ZNF449: variants seen among roughly 807,000 people sequenced by gnomAD.
ZNF449 encodes zinc finger protein 449, also known as zinc finger and SCAN domain-containing protein 19.
Under a neutral mutation model 32.6 loss-of-function variants are expected in ZNF449, and 4 were observed. That is an observed-to-expected ratio of 0.12 (90% CI 0.06 to 0.28). The LOEUF is 0.28. Among genes scored for constraint, ZNF449 ranks in the 10% least tolerant of loss-of-function variants. The pLI is 1.00. For missense variants in ZNF449, 275 were observed against 383.2 expected (o/e 0.72, Z 2.36); for synonymous variants, 123 against 132.2 (o/e 0.93, Z 0.48).
intron 3 of ZNF449, 37 bp downstream of exon 3, chrX:135,349,351 T>G (rs782328093): frequency 7.6e-6 from 9 of 1,178,092 alleles, no homozygotes; most frequent in Non-Finnish European, 9.2e-6. Flanking sequence ...TTTGTTTCTG[T>G]TTTGAGAGTT....
Position 135,362,794 on chromosome X carries a change from TATA to T in ZNF449, c.*1722_*1724del, listed in dbSNP as rs2084954742. ...TCATGGATCAGGCTCATAAAGATTT[TATA>T]ATATTTTTAGTTAAACAAGAGTTGG... On this transcript the variant is annotated 3_prime_UTR_variant, in exon 5 of 5. Transcript: ENST00000339249. The T allele has an allele frequency of 8.9e-6, 1 of 111,993 alleles. No individual in the cohort carries two copies. The highest frequency in any genetic ancestry group is 1.9e-5 in the Non-Finnish European group (1 of 53,149). The allele number at this position is 111,993 out of a possible 1,213,427, so 9.2% of individuals were successfully genotyped here.
At chrX:135,352,503 T>A (rs782342819) in intron 3 of ZNF449, among the ~76,000 whole-genome samples, 1 of 112,094 alleles carries the variant, frequency 8.9e-6, no homozygotes, top group South Asian at 3.7e-4. Flanking sequence ...TTTGAAAATA[T>A]GGAGTTCAAA....
intron 3 of ZNF449, among the ~76,000 whole-genome samples, chrX:135,358,616 G>C: frequency 8.9e-6 from 1 of 111,919 alleles, no homozygotes; most frequent in South Asian, 3.7e-4. Context: ...TTTAACAAAA[G>C]AAAGAAGCAA....
At chrX:135,349,580 G>A (rs1556449747) in intron 3 of ZNF449, among the ~76,000 whole-genome samples, 1 of 111,676 alleles carries the variant, frequency 9.0e-6, no homozygotes, top group African/African-American at 3.3e-5. Context: ...TTTGGATTCT[G>A]GATAAGGACT....
rs781905985 is a variant in ZNF449 at position 135,357,505 on chromosome X, G to A, written c.560-2387G>A. Reference sequence around the variant, plus strand: ...CATTTCTATTCTGTTATGTTTAGTTGGTTTATAGTATTTTCTATGTCTTGT... The same window carrying A: ...CATTTCTATTCTGTTATGTTTAGTTAGTTTATAGTATTTTCTATGTCTTGT... On this transcript the variant is annotated intron_variant, in intron 3 of 4. Coordinates refer to ENST00000339249, the MANE Select transcript of ZNF449 (RefSeq NM_152695.6). 7.2e-5 allele frequency among the ~76,000 whole-genome samples: 8 copies of A among 111,010 alleles called. 1 individual carries two copies. The East Asian group carries it at 2.2e-3, about 31-fold the overall frequency.
At chrX:135,348,718 G>T (rs1556449279) in intron 2 of ZNF449, 11 of 975,970 alleles carry the variant, frequency 1.1e-5, no homozygotes, top group South Asian at 2.0e-5. Context: ...CCTTGGTTTT[G>T]TTTACTATAT....
intron 3 of ZNF449, among the ~76,000 whole-genome samples, chrX:135,357,180 G>T (rs2084922720): frequency 9.0e-6 from 1 of 111,189 alleles, no homozygotes; most frequent in South Asian, 3.7e-4. Context: ...TGTTGTTTGT[G>T]CTTTTGATGT....
At chrX:135,355,703 A>T (rs1480402256) in intron 3 of ZNF449, among the ~76,000 whole-genome samples, 1 of 111,783 alleles carries the variant, frequency 8.9e-6, no homozygotes, top group Non-Finnish European at 1.9e-5. Flanking sequence ...AAATAGCGTT[A>T]TTGAAATATA....
chrX:135,349,087 G>A (rs2084868104), intron 2 of ZNF449, 23 bp from the exon 3 acceptor site: 2 of 1,207,731 alleles, frequency 1.7e-6, no homozygotes, highest in Non-Finnish European at 1.1e-6. Context: ...ACTTGAGAGT[G>A]ATGGTTCTGG....
At chrX:135,347,583 C>T in intron 2 of ZNF449, 111 bp downstream of exon 2, 1 of 1,168,833 alleles carries the variant, frequency 8.6e-7, no homozygotes, top group Non-Finnish European at 1.1e-6. Flanking sequence ...AAGATTTCTC[C>T]AGAGTCCTCT....
intron 3 of ZNF449, among the ~76,000 whole-genome samples, chrX:135,356,076 A>G (rs1206835805): frequency 8.9e-6 from 1 of 112,298 alleles, no homozygotes; most frequent in Admixed American, 9.4e-5. Context: ...GCTGATGAAC[A>G]TTTAGATTGT....
At chrX:135,351,876 C>T (rs963029863) in intron 3 of ZNF449, among the ~76,000 whole-genome samples, 6 of 111,118 alleles carry the variant, frequency 5.4e-5, no homozygotes, top group African/African-American at 1.3e-4. Flanking sequence ...CTCTAAAGCA[C>T]ATGGAAATCT....
rs2084855364 is a variant in ZNF449 at position 135,347,462 on chromosome X, C to T, written c.344C>T (p.Pro115Leu). The T allele has an allele frequency of 8.3e-7, 1 of 1,210,092 alleles. No individual in the cohort carries two copies. The highest frequency in any genetic ancestry group is 1.1e-6 in the Non-Finnish European group (1 of 895,207). The stretch of plus-strand genomic sequence containing the variant: ...GACTTACAGAGAGAACTTGAGATAC[C>T]AGAGCAGCAGGTAAGAAAAGAATGT... ...IEDLQRELEI[P>L]EQQVDMHDML... Residue 115 changes from proline to leucine, a missense_variant, in exon 2 of 5, where the codon CCA becomes CTA. This residue lies in a region of ZNF449 where 165 missense variants were observed against 175.0 expected (regional missense o/e 0.94). Transcript: ENST00000339249.
intron 3 of ZNF449, among the ~76,000 whole-genome samples, chrX:135,355,789 C>G (rs1556451766): frequency 8.9e-6 from 1 of 111,826 alleles, no homozygotes; most frequent in African/African-American, 3.2e-5. Flanking sequence ...ATATGTACAA[C>G]TGTCACCACC....
chrX:135,348,106 C>T, intron 2 of ZNF449: 1 of 129,705 alleles, frequency 7.7e-6, no homozygotes, highest in Admixed American at 8.6e-5. Flanking sequence ...GCCAGAAATT[C>T]AGACTGATAA....
At position 135,347,031 on chromosome X, in the gene ZNF449, C is replaced by A; in HGVS notation, c.-88C>A. On this transcript the variant is annotated 5_prime_UTR_variant, in exon 2 of 5. Transcript: ENST00000339249. The stretch of plus-strand genomic sequence containing the variant: ...TTTCTGTCCTTAGCTGTAGGTGGCT[C>A]CCTCCCACCCCAACGATTTCAGAGA... The A allele has an allele frequency of 2.1e-6, 2 of 969,177 alleles. No individual in the cohort carries two copies. Among genetic ancestry groups the A allele is most frequent in the Middle Eastern group, 3.9e-4 (1 of 2,592 alleles). 79.9% of individuals were successfully genotyped at this position (969,177 alleles called of 1,213,427 possible).
In ZNF449 at chrX:135,363,048, G is replaced by A. The variant is rs1319809202; in HGVS notation, c.*1972G>A. On this transcript the variant is annotated 3_prime_UTR_variant, in exon 5 of 5. Coordinates refer to ENST00000339249, the MANE Select transcript of ZNF449 (RefSeq NM_152695.6). ...TGTAATGGCTTCTCTTTTCTCTCTT[G>A]TGGAATTGCATTCAAACCAGAACAG... 1 of 112,250 alleles carries A rather than the reference G, an allele frequency of 8.9e-6. No individual in the cohort carries two copies. Among genetic ancestry groups the A allele is most frequent in the Non-Finnish European group, 1.9e-5 (1 of 53,185 alleles). The allele number at this position is 112,250 out of a possible 1,213,427, so 9.3% of individuals were successfully genotyped here.
intron 3 of ZNF449, among the ~76,000 whole-genome samples, chrX:135,353,007 C>T (rs1202997659): frequency 8.9e-6 from 1 of 111,929 alleles, no homozygotes; most frequent in Non-Finnish European, 1.9e-5. Flanking sequence ...TATCATGTTA[C>T]TATTTTTGAG....
chrX:135,357,723 AT>A (rs1203054050), intron 3 of ZNF449, among the ~76,000 whole-genome samples: 4 of 111,607 alleles, frequency 3.6e-5, no homozygotes, highest in Admixed American at 9.5e-5. Context: ...TATTTTTATC[AT>A]TATAAAATGA....
Sources: gnomAD v4.1 joint callset for allele counts (sites outside exome capture counted in the v4.1 genomes callset) on GRCh38, gnomAD v4.1.1 for gene constraint, gnomAD v4.1.1 regional missense constraint, MANE v1.5 for transcripts, NCBI Gene and HGNC (gene_info 2026-07-23, HGNC 2026-07-21) for gene names.